The following NEDD4 variants were observed in gnomAD, a reference collection of about 807,000 sequenced individuals.
NEDD4 encodes the protein E3 ubiquitin-protein ligase NEDD4.
In NEDD4, 99 loss-of-function variants were observed where a neutral mutation model predicts 144.9. The ratio of observed to expected loss-of-function variants is 0.68; its 90% confidence interval spans 0.58 to 0.81. NEDD4 has a LOEUF of 0.81. Ranked by LOEUF, NEDD4 falls within the 30% of genes least tolerant of loss-of-function variation. The probability of loss-of-function intolerance (pLI) is 0.00; values close to 1 mark genes in which losing one functional copy is unlikely to be tolerated. For synonymous variants in NEDD4, 318 were observed against 350.6 expected (o/e 0.91, Z 1.04); for missense variants, 985 against 1,065.9 (o/e 0.92, Z 1.06).
chr15:55,866,297 C>T (rs1912409), intron 8 of NEDD4, among the ~76,000 whole-genome samples: 82,180 of 151,274 alleles, frequency 0.54, 22,599 homozygotes, highest in South Asian at 0.66. Flanking sequence ...AAATTTCATT[C>T]TCTTCTTTCC....
chr15:55,945,561 A>G (rs373076525), intron 4 of NEDD4, among the ~76,000 whole-genome samples: 5 of 152,362 alleles, frequency 3.3e-5, no homozygotes, highest in African/African-American at 1.2e-4. Flanking sequence ...GACAGGGAGA[A>G]TGGAACCAAG....
At chr15:55,872,380 A>G in intron 7 of NEDD4, 35 bp downstream of exon 7, 4 of 1,105,644 alleles carry the variant, frequency 3.6e-6, no homozygotes, top group Non-Finnish European at 5.1e-6. Flanking sequence ...GAGATAAAAA[A>G]TTTAATATGC....
chr15:55,962,546 C>G (rs2037443386), intron 2 of NEDD4, among the ~76,000 whole-genome samples: 1 of 151,956 alleles, frequency 6.6e-6, no homozygotes, highest in South Asian at 2.1e-4. Context: ...CAGGTTCAAG[C>G]AATTCTCCTG....
Position 55,828,819 on chromosome 15 carries a change from T to C in NEDD4, c.*1078A>G, listed in dbSNP as rs747566313. 2.0e-5 allele frequency: 3 copies of C among 152,648 alleles called. No individual in the cohort carries two copies. Among genetic ancestry groups the C allele is most frequent in the Non-Finnish European group, 2.9e-5 (2 of 68,036 alleles). 9.5% of individuals were successfully genotyped at this position (152,648 alleles called of 1,614,324 possible). A position where few individuals can be genotyped will look rare whatever the true frequency, so the allele number is the denominator to read the frequency against. On this transcript the variant is annotated 3_prime_UTR_variant, in exon 29 of 29. Transcript: ENST00000435532. ...GCATAAGAAATAGTAATAAATTTAA[T>C]ACAAATTATGCATTATAACAACTCT...
At chr15:55,879,926 G>A (rs1333808654) in intron 5 of NEDD4, among the ~76,000 whole-genome samples, 1 of 152,094 alleles carries the variant, frequency 6.6e-6, no homozygotes, top group Non-Finnish European at 1.5e-5. Flanking sequence ...AAAGAAAAGA[G>A]GAAAGGGAGG....
At chr15:55,965,815 T>A (rs548711294) in intron 2 of NEDD4, among the ~76,000 whole-genome samples, 59 of 152,152 alleles carry the variant, frequency 3.9e-4, no homozygotes, top group African/African-American at 1.4e-3. Flanking sequence ...GATTTCTGGA[T>A]AATTTTTGTA....
At chr15:55,965,203 G>A (rs1242031191) in intron 2 of NEDD4, among the ~76,000 whole-genome samples, 1 of 152,054 alleles carries the variant, frequency 6.6e-6, no homozygotes, top group Non-Finnish European at 1.5e-5. Context: ...CCTGTTTTTG[G>A]TTGTTTGTTT....
intron 1 of NEDD4, among the ~76,000 whole-genome samples, chr15:55,983,902 C>A (rs143099072): frequency 2.6e-5 from 4 of 152,110 alleles, no homozygotes; most frequent in Admixed American, 6.5e-5. Flanking sequence ...TGAGCCACTG[C>A]GCCCAGCCTG....
At chr15:55,927,179 G>A (rs1253752377) in intron 4 of NEDD4, among the ~76,000 whole-genome samples, 1 of 151,788 alleles carries the variant, frequency 6.6e-6, no homozygotes, top group African/African-American at 2.4e-5. Flanking sequence ...AGATGTAACT[G>A]AGCTAAGACT....
chr15:55,930,705 G>C (rs533783393), intron 4 of NEDD4, among the ~76,000 whole-genome samples: 4 of 152,078 alleles, frequency 2.6e-5, no homozygotes, highest in African/African-American at 7.2e-5. Flanking sequence ...TTGAATCATG[G>C]GGGTAGTTTC....
intron 4 of NEDD4, among the ~76,000 whole-genome samples, chr15:55,946,361 T>G (rs1182206238): frequency 6.6e-6 from 1 of 152,100 alleles, no homozygotes; most frequent in Non-Finnish European, 1.5e-5. Context: ...ACAATCCTAG[T>G]CTCTGATAAA....
chr15:55,907,107 AT>A (rs1348108611), intron 5 of NEDD4, among the ~76,000 whole-genome samples: 1 of 151,924 alleles, frequency 6.6e-6, no homozygotes, highest in Non-Finnish European at 1.5e-5. Flanking sequence ...ATAAAAAAAA[AT>A]AAAAATAAAA....
intron 2 of NEDD4, among the ~76,000 whole-genome samples, chr15:55,953,022 C>G (rs1172195357): frequency 6.7e-6 from 1 of 150,198 alleles, no homozygotes; most frequent in Non-Finnish European, 1.5e-5. Flanking sequence ...CAGAGTCTTG[C>G]TCTGTTGCCC....
At chr15:55,935,644 G>A (rs1468168009) in intron 4 of NEDD4, among the ~76,000 whole-genome samples, 2 of 151,858 alleles carry the variant, frequency 1.3e-5, no homozygotes, top group African/African-American at 2.4e-5. Flanking sequence ...TCAGGAGATC[G>A]AGACCATCCT....
In NEDD4 at chr15:55,827,934, G is replaced by C. The variant is rs11550869; in HGVS notation, c.*1963C>G. On this transcript the variant is annotated 3_prime_UTR_variant, in exon 29 of 29. Transcript: ENST00000435532. ...TCTGTCTGGAACTTCTGACAATCTG[G>C]CATGACAATGAGGGTGGGCATGATT... 14,045 of 152,048 alleles carry C rather than the reference G, an allele frequency of 0.092. 714 individuals carry two copies. Among genetic ancestry groups the C allele is most frequent in the Middle Eastern group, 0.15 (45 of 296 alleles). 9.4% of individuals were successfully genotyped at this position (152,048 alleles called of 1,614,324 possible). A position where few individuals can be genotyped will look rare whatever the true frequency, so the allele number is the denominator to read the frequency against.
intron 16 of NEDD4, 38 bp downstream of exon 16, chr15:55,848,483 A>T (rs370020188): frequency 2.5e-6 from 4 of 1,612,666 alleles, no homozygotes; most frequent in Non-Finnish European, 3.4e-6. Context: ...AAAATTTATT[A>T]CAAAAAATAA....
At chr15:55,838,020 G>A in intron 23 of NEDD4, 87 bp downstream of exon 23, 2 of 961,686 alleles carry the variant, frequency 2.1e-6, no homozygotes, top group Non-Finnish European at 1.6e-6. Flanking sequence ...TTCTGGACAA[G>A]GGGACAGAGA....
intron 5 of NEDD4, among the ~76,000 whole-genome samples, chr15:55,881,596 T>A (rs2035194961): frequency 6.6e-6 from 1 of 152,200 alleles, no homozygotes; most frequent in Non-Finnish European, 1.5e-5. Context: ...GGTAACTGAA[T>A]TATCTAGTTA....
intron 24 of NEDD4, among the ~76,000 whole-genome samples, chr15:55,837,053 T>G (rs2033239508): frequency 6.6e-6 from 1 of 152,338 alleles, no homozygotes; most frequent in East Asian, 1.9e-4. Context: ...AACTTTTTAA[T>G]TTATATTCTG....
Sources: allele counts gnomAD v4.1 joint callset (sites outside exome capture counted in the v4.1 genomes callset), GRCh38; gene constraint gnomAD v4.1.1; transcripts MANE v1.5; gene names NCBI Gene and HGNC (gene_info 2026-07-23, HGNC 2026-07-21).